PCDH15: variants seen among roughly 807,000 people sequenced by gnomAD.
PCDH15 encodes protocadherin related 15.
Under a neutral mutation model 178.5 loss-of-function variants are expected in PCDH15, and 129 were observed. That is an observed-to-expected ratio of 0.72 (90% CI 0.63 to 0.84). The LOEUF (loss-of-function observed/expected upper bound fraction) is 0.84. Ranked by LOEUF, PCDH15 falls within the 40% of genes least tolerant of loss-of-function variation. The probability of loss-of-function intolerance (pLI) is 0.00; values close to 1 mark genes in which losing one functional copy is unlikely to be tolerated. For synonymous variants in PCDH15, 800 were observed against 732.0 expected, an observed-to-expected ratio of 1.09 and a Z score of -1.50; for missense variants, 2,230 against 2,099.9, an observed-to-expected ratio of 1.06 and a Z score of -1.21.
At position 54,606,235 on chromosome 10, in the gene PCDH15, C is replaced by G. The variant is rs533674746; in HGVS notation, c.91+57937G>C. 3 of 152,092 alleles carry G rather than the reference C, an allele frequency of 2.0e-5. No homozygotes were observed. In the East Asian group the frequency reaches 5.8e-4, roughly 30 times the overall value. The allele number at this position is 152,092 out of a possible 1,614,324, so 9.4% of individuals were successfully genotyped here. On this transcript the variant is annotated intron_variant, in intron 2 of 37. Transcript: ENST00000644397. ...GAAGTGGAGGAGATATGGGAAGAAC[C>G]CATTTGTTTGGGCATTTTTTCTCAA...
chr10:54,233,690 G>A (rs1591328811), intron 9 of PCDH15, among the ~76,000 whole-genome samples: 1 of 152,296 alleles, frequency 6.6e-6, no homozygotes, highest in Admixed American at 6.5e-5. Flanking sequence ...TACTGCATTT[G>A]CAGAGTTTCA....
chr10:53,883,456 T>C lies in PCDH15; in HGVS notation c.3502-16599A>G, dbSNP rs776820017. Among the ~76,000 whole-genome samples, 20 of 152,160 alleles carry C rather than the reference T, an allele frequency of 1.3e-4. 1 individual carries two copies. Among genetic ancestry groups the C allele is most frequent in the Admixed American group, 2.6e-4 (4 of 15,284 alleles). Reference sequence around the variant, plus strand: ...TCTCTTTTCTTATTCGTTAAATCTTTGTTTTTACAAATCCCTGTGCTAAGG... The same window carrying C: ...TCTCTTTTCTTATTCGTTAAATCTTCGTTTTTACAAATCCCTGTGCTAAGG... On this transcript the variant is annotated intron_variant, in intron 26 of 37. Coordinates refer to ENST00000644397, the MANE Select transcript of PCDH15 (RefSeq NM_001384140.1).
chr10:55,129,149 CAGA>C (rs1455246196), intron 2 of PCDH15, among the ~76,000 whole-genome samples: 1 of 152,026 alleles, frequency 6.6e-6, no homozygotes, highest in African/African-American at 2.4e-5. Flanking sequence ...CTCTCTGCTA[CAGA>C]AGAAGACACT....
chr10:55,175,040 TG>T (rs1322740958), intron 1 of PCDH15, among the ~76,000 whole-genome samples: 1 of 151,872 alleles, frequency 6.6e-6, no homozygotes, highest in Non-Finnish European at 1.5e-5. Flanking sequence ...AGTTTGGGGA[TG>T]AGCTTAGTTT....
intron 3 of PCDH15, among the ~76,000 whole-genome samples, chr10:54,466,620 A>C (rs183745660): frequency 2.6e-5 from 4 of 152,030 alleles, no homozygotes; most frequent in Admixed American, 1.3e-4. Context: ...TGGTGACTCC[A>C]GTTTTGTTCT....
chr10:55,511,337 T>A (rs569457938), intron 2 of PCDH15, among the ~76,000 whole-genome samples: 4 of 152,068 alleles, frequency 2.6e-5, no homozygotes, highest in Non-Finnish European at 4.4e-5. Flanking sequence ...TTACCTTGTA[T>A]GTGCAAGGTA....
At chr10:54,960,805 C>A (rs145036369) in intron 2 of PCDH15, among the ~76,000 whole-genome samples, 171 of 152,168 alleles carry the variant, frequency 1.1e-3, no homozygotes, top group Non-Finnish European at 1.8e-3. Context: ...ATACATTGAG[C>A]CAATTTTCCT....
chr10:53,992,971 T>A (rs2134849879), intron 21 of PCDH15, among the ~76,000 whole-genome samples: 1 of 152,352 alleles, frequency 6.6e-6, no homozygotes, highest in Admixed American at 6.5e-5. Context: ...TTCCAGTTTC[T>A]CTGATATTTC....
rs927513851 is a variant in PCDH15, at chr10:53,958,935, C to T, written c.3122+797G>A. On this transcript the variant is annotated intron_variant, in intron 23 of 37. Coordinates refer to ENST00000644397, the MANE Select transcript of PCDH15 (RefSeq NM_001384140.1). ...TGGAGCTTGTAGTGACCCGAGATTA[C>T]GTCACTGCACTCCAGCCTGGGCAAC... 7.2e-5 allele frequency among the ~76,000 whole-genome samples: 9 copies of T among 125,160 alleles called. No homozygotes were observed. The East Asian group carries it at 7.6e-4, about 11-fold the overall frequency. The allele number at this position is 125,160 out of a possible 152,430, so 82.1% of individuals were successfully genotyped here.
chr10:55,190,453 A>G (rs906953072), intron 1 of PCDH15, among the ~76,000 whole-genome samples: 1 of 151,752 alleles, frequency 6.6e-6, no homozygotes, highest in African/African-American at 2.4e-5. Flanking sequence ...AGCAGTTTGA[A>G]CGGTATCTGA....
At chr10:55,606,966 C>A (rs1454430107) in intron 2 of PCDH15, among the ~76,000 whole-genome samples, 1 of 150,252 alleles carries the variant, frequency 6.7e-6, no homozygotes, top group African/African-American at 2.4e-5. Flanking sequence ...AGGCAACCTA[C>A]AAAATGGGAG....
At chr10:53,854,711 C>T (rs1269239340) in intron 28 of PCDH15, among the ~76,000 whole-genome samples, 1 of 152,016 alleles carries the variant, frequency 6.6e-6, no homozygotes, top group East Asian at 1.9e-4. Context: ...CTGCTAGCTC[C>T]ATTTATATGG....
At chr10:54,743,116 G>A (rs1945023315) in intron 1 of PCDH15, among the ~76,000 whole-genome samples, 1 of 151,988 alleles carries the variant, frequency 6.6e-6, no homozygotes, top group South Asian at 2.1e-4. Context: ...TTCTGATCTG[G>A]ATCCAGATGA....
rs146559828 is a variant in PCDH15, at chr10:53,850,399, A to C, written c.3806+6776T>G. ...GTAAAGAACTATGATTTCTTTAATC[A>C]TAATTAACCTAATGAGTTAAAGACA... On this transcript the variant is annotated intron_variant, in intron 28 of 37. Transcript: ENST00000644397. 2.2e-4 allele frequency among the ~76,000 whole-genome samples: 34 copies of C among 152,146 alleles called. 1 individual carries two copies. Among genetic ancestry groups the C allele is most frequent in the Non-Finnish European group, 4.0e-4 (27 of 67,966 alleles).
At chr10:54,287,902 G>C (rs1298592831) in intron 8 of PCDH15, among the ~76,000 whole-genome samples, 1 of 152,094 alleles carries the variant, frequency 6.6e-6, no homozygotes, top group African/African-American at 2.4e-5. Flanking sequence ...GACTCTGGAC[G>C]CTAGATAAAA....
intron 3 of PCDH15, among the ~76,000 whole-genome samples, chr10:54,858,433 T>C (rs1953780303): frequency 1.3e-5 from 2 of 152,174 alleles, no homozygotes; most frequent in South Asian, 2.1e-4. Context: ...ATCTGTCCCT[T>C]CATATAGTGC....
chr10:55,208,718 C>T (rs1419940132), intron 1 of PCDH15, among the ~76,000 whole-genome samples: 1 of 151,986 alleles, frequency 6.6e-6, no homozygotes, highest in Non-Finnish European at 1.5e-5. Flanking sequence ...AATTTCCTTT[C>T]CTACATACCC....
chr10:54,035,986 G>T (rs1284192332), intron 18 of PCDH15, among the ~76,000 whole-genome samples: 1 of 151,862 alleles, frequency 6.6e-6, no homozygotes, highest in East Asian at 1.9e-4. Flanking sequence ...CAACATTCCC[G>T]TAAGCCAAAG....
chr10:54,317,473 T>C (rs1169274980), intron 7 of PCDH15, 32 bp from the exon 8 acceptor site: 2 of 1,611,550 alleles, frequency 1.2e-6, no homozygotes, highest in Non-Finnish European at 1.7e-6. Flanking sequence ...AACAGGTAGT[T>C]TATAGAAATT....
Sources: allele counts gnomAD v4.1 joint callset (sites outside exome capture counted in the v4.1 genomes callset), GRCh38; gene constraint gnomAD v4.1.1; transcripts MANE v1.5; gene names NCBI Gene and HGNC (gene_info 2026-07-23, HGNC 2026-07-21).